Variants in POTEB3 observed in about 807,000 individuals in gnomAD.
POTEB3 encodes ANKRD26-like family B member 1.
Under a neutral mutation model 39.8 loss-of-function variants are expected in POTEB3, and 5 were observed. The ratio of observed to expected loss-of-function variants is 0.13; its 90% CI spans 0.07 to 0.26. The LOEUF (loss-of-function observed/expected upper bound fraction) is 0.26, where lower values mean the gene tolerates loss of function less well. POTEB3 is among the 10% of genes least tolerant of loss of function. POTEB3 has a pLI of 1.00. For missense variants in POTEB3, 24 were observed against 475.6 expected (o/e 0.05, Z 8.83); for synonymous variants, 5 against 161.5 (o/e 0.03, Z 7.35).
Position 21,434,059 on chromosome 15 carries a change from ACAC to A in POTEB3, c.810+599_810+601del, listed in dbSNP as rs1899090509. On this transcript the variant is annotated intron_variant, in intron 3 of 10. Coordinates refer to ENST00000611217, the MANE Select transcript of POTEB3 (RefSeq NM_207355.5). ...CACACACACACACACACACACACACACACACAAACAAAAACAAAAACAAAAAAA... is the reference window on the plus strand; with the variant it reads ...CACACACACACACACACACACACACAACAAACAAAAACAAAAACAAAAAAA... 8.0e-4 allele frequency among the ~76,000 whole-genome samples: 82 copies of A among 103,100 alleles called. 1 individual carries two copies. Among genetic ancestry groups the A allele is most frequent in the African/African-American group, 4.0e-3 (82 of 20,624 alleles). 67.6% of individuals were successfully genotyped at this position (103,100 alleles called of 152,430 possible). A position where few individuals can be genotyped will look rare whatever the true frequency, so the allele number is the denominator to read the frequency against.
chr15:21,428,531 C>T (rs1408393484), intron 5 of POTEB3, among the ~76,000 whole-genome samples: 2 of 149,646 alleles, frequency 1.3e-5, no homozygotes, highest in Non-Finnish European at 3.0e-5. Flanking sequence ...AGCAATGATC[C>T]TTCTCTACAG....
chr15:21,412,846 A>AAAAT (rs55817356), intron 9 of POTEB3, among the ~76,000 whole-genome samples: 1,734 of 42,982 alleles, frequency 0.04, 35 homozygotes, highest in African/African-American at 0.041. Flanking sequence ...AACAAAAATA[A>AAAAT]AAATAAATAA....
intron 4 of POTEB3, among the ~76,000 whole-genome samples, 178 bp downstream of exon 4, chr15:21,431,560 AC>A (rs1240852100): frequency 2.0e-4 from 18 of 89,878 alleles, no homozygotes; most frequent in East Asian, 1.5e-3. Flanking sequence ...GATGAATCCT[AC>A]TAAAACAGTT....
At chr15:21,422,922 T>A (rs1898564801) in intron 6 of POTEB3, among the ~76,000 whole-genome samples, 1 of 143,924 alleles carries the variant, frequency 6.9e-6, no homozygotes, top group Non-Finnish European at 1.5e-5. Context: ...GCTGAGCTGG[T>A]GTGCACCTAA....
At chr15:21,428,286 TA>T (rs1193827598) in intron 5 of POTEB3, among the ~76,000 whole-genome samples, 3 of 145,008 alleles carry the variant, frequency 2.1e-5, no homozygotes, top group Non-Finnish European at 4.6e-5. Context: ...TCATAGGTTC[TA>T]ATATGCAAAT....
At chr15:21,410,840 C>T in intron 10 of POTEB3, 38 bp downstream of exon 10, 9 of 1,030,490 alleles carry the variant, frequency 8.7e-6, no homozygotes. Flanking sequence ...AAAATATACA[C>T]ACATATGAAA....
At chr15:21,434,030 A>AACACAC (rs60010729) in intron 3 of POTEB3, among the ~76,000 whole-genome samples, 5 of 120,050 alleles carry the variant, frequency 4.2e-5, no homozygotes, top group African/African-American at 1.8e-4. Flanking sequence ...CAACAATAAC[A>AACACAC]ACACACACAC....
At chr15:21,422,766 C>T (rs1898558365) in intron 6 of POTEB3, among the ~76,000 whole-genome samples, 1 of 151,650 alleles carries the variant, frequency 6.6e-6, no homozygotes, top group Admixed American at 6.6e-5. Flanking sequence ...TCTTGTTTTC[C>T]CTCAATGCAG....
chr15:21,424,869 C>A (rs1436278553), intron 6 of POTEB3: 1 of 146,484 alleles, frequency 6.8e-6, no homozygotes, highest in East Asian at 2.0e-4. Context: ...CTTTATATTA[C>A]CACTTCCACT....
chr15:21,413,519 T>TAC (rs1898352575), intron 9 of POTEB3, among the ~76,000 whole-genome samples: 1 of 18,350 alleles, frequency 5.4e-5, no homozygotes, highest in Non-Finnish European at 8.6e-5. Flanking sequence ...TATATATATA[T>TAC]ATATATATAT....
rs1400588683 is a variant in POTEB3, at chr15:21,433,866, C to A, written c.810+795G>T. 7.5e-3 allele frequency among the ~76,000 whole-genome samples: 1,125 copies of A among 150,482 alleles called. 1 individual carries two copies. The highest frequency in any genetic ancestry group is 0.027 in the African/African-American group (1,075 of 40,080). On this transcript the variant is annotated intron_variant, in intron 3 of 10. Coordinates refer to ENST00000611217, the MANE Select transcript of POTEB3 (RefSeq NM_207355.5). ...TCAAGGGTTTCCCACTACATTACCACATATTCACTGCCAATCTGGTTCCTC... is the reference window on the plus strand; with the variant it reads ...TCAAGGGTTTCCCACTACATTACCAAATATTCACTGCCAATCTGGTTCCTC...
At chr15:21,414,429 T>C (rs1898376440) in intron 9 of POTEB3, among the ~76,000 whole-genome samples, 1 of 108,238 alleles carries the variant, frequency 9.2e-6, no homozygotes, top group Non-Finnish European at 1.8e-5. Context: ...ATTTTGAACA[T>C]AGTTAATTGA....
chr15:21,428,611 T>C (rs1244334912), intron 5 of POTEB3, among the ~76,000 whole-genome samples: 2 of 150,484 alleles, frequency 1.3e-5, no homozygotes, highest in Non-Finnish European at 3.0e-5. Flanking sequence ...CCAGCTGACA[T>C]GGGAGACCAA....
rs1256319861 is a variant in POTEB3 at position 21,407,541 on chromosome 15, C to T, written c.*1442G>A. On this transcript the variant is annotated 3_prime_UTR_variant, in exon 11 of 11. Transcript: ENST00000611217. Reference sequence around the variant, plus strand: ...GCTGCAGCTCTCCACTGATCAGCCACGGTCTGCTTGTACAGAAGCTATGGT... The same window carrying T: ...GCTGCAGCTCTCCACTGATCAGCCATGGTCTGCTTGTACAGAAGCTATGGT... Among the ~76,000 whole-genome samples the T allele has an allele frequency of 1.4e-4, 11 of 78,318 alleles. 2 individuals carry two copies. The highest frequency in any genetic ancestry group is 3.4e-4 in the East Asian group (1 of 2,912). 51.4% of individuals were successfully genotyped at this position (78,318 alleles called of 152,430 possible).
chr15:21,433,328 T>A (rs1293913119), intron 3 of POTEB3, among the ~76,000 whole-genome samples: 3 of 150,540 alleles, frequency 2.0e-5, no homozygotes, highest in East Asian at 3.9e-4. Context: ...GCTCAGGCAA[T>A]CCTCCCACCT....
chr15:21,406,433 C>G lies in POTEB3; in HGVS notation c.*2550G>C, dbSNP rs7167371. 1 of 59,686 alleles carries G rather than the reference C, an allele frequency of 1.7e-5. No homozygotes were observed. Among genetic ancestry groups the G allele is most frequent in the South Asian group, 4.1e-4 (1 of 2,410 alleles). 3.7% of individuals were successfully genotyped at this position (59,686 alleles called of 1,614,324 possible). A position where few individuals can be genotyped will look rare whatever the true frequency, so the allele number is the denominator to read the frequency against. ...GCAATCACACACAATCACCGTGTGA[C>G]TGCATTATGAAAATTCTTCTAGTGT... On this transcript the variant is annotated 3_prime_UTR_variant, in exon 11 of 11. Transcript: ENST00000611217.
At chr15:21,409,992 C>CAG (rs1246282422) in intron 10 of POTEB3, among the ~76,000 whole-genome samples, 2 of 93,560 alleles carry the variant, frequency 2.1e-5, no homozygotes, top group East Asian at 6.1e-4. Context: ...CACACACACA[C>CAG]ACACACACAC....
intron 3 of POTEB3, among the ~76,000 whole-genome samples, chr15:21,434,139 G>T (rs1447909069): frequency 7.1e-6 from 1 of 141,748 alleles, no homozygotes; most frequent in East Asian, 2.0e-4. Context: ...GTTGGCCTTG[G>T]TATTTCTGAT....
chr15:21,440,067 C>T lies in POTEB3; in HGVS notation c.-56G>A. 8.9e-7 allele frequency: 1 copy of T among 1,125,370 alleles called. No homozygotes were observed. Among genetic ancestry groups the T allele is most frequent in the Non-Finnish European group, 1.3e-6 (1 of 780,930 alleles). 69.7% of individuals were successfully genotyped at this position (1,125,370 alleles called of 1,614,324 possible). A position where few individuals can be genotyped will look rare whatever the true frequency, so the allele number is the denominator to read the frequency against. On this transcript the variant is annotated 5_prime_UTR_variant, in exon 1 of 11. Transcript: ENST00000611217. ...TAGCGAACAGATCGCGTCTACCAAC[C>T]AGTTTCACCAACTAGCAGGAAACCC... is the stretch of plus-strand genomic sequence containing the variant.
Sources: allele counts gnomAD v4.1 joint callset (sites outside exome capture counted in the v4.1 genomes callset), GRCh38; gene constraint gnomAD v4.1.1; transcripts MANE v1.5; gene names NCBI Gene and HGNC (gene_info 2026-07-23, HGNC 2026-07-21).